Variants in CNNM2 observed in about 807,000 individuals in gnomAD.
The protein encoded by CNNM2 is cyclin and CBS domain divalent metal cation transport mediator 2.
CNNM2 carries 12 observed loss-of-function variants against 66.9 expected under a neutral mutation model. The ratio of observed to expected loss-of-function variants is 0.18; its 90% CI spans 0.11 to 0.29. CNNM2 has a LOEUF of 0.29. CNNM2 is among the 10% of genes least tolerant of loss of function. The probability of loss-of-function intolerance (pLI) is 1.00; values close to 1 mark genes in which losing one functional copy is unlikely to be tolerated. For synonymous variants in CNNM2, 557 were observed against 501.8 expected, an observed-to-expected ratio of 1.11 and a Z score of -1.47; for missense variants, 705 against 1,167.7, an observed-to-expected ratio of 0.60 and a Z score of 5.77.
chr10:102,955,354 A>G (rs1431348418), intron 1 of CNNM2, among the ~76,000 whole-genome samples: 1 of 152,290 alleles, frequency 6.6e-6, no homozygotes, highest in East Asian at 1.9e-4. Flanking sequence ...GATCCCTTAC[A>G]CCTTATACAA....
chr10:103,041,497 T>G (rs373404409), intron 1 of CNNM2, among the ~76,000 whole-genome samples: 8 of 152,288 alleles, frequency 5.3e-5, no homozygotes, highest in South Asian at 4.2e-4. Flanking sequence ...AGGCCTTTTC[T>G]CTGTGGTCAA....
At chr10:102,920,841 A>G (rs1675156295) in intron 1 of CNNM2, among the ~76,000 whole-genome samples, 1 of 152,230 alleles carries the variant, frequency 6.6e-6, no homozygotes, top group Non-Finnish European at 1.5e-5. Context: ...TATGTCCCGT[A>G]GCCTTCTTCA....
chr10:102,945,039 C>T (rs1272152015), intron 1 of CNNM2, among the ~76,000 whole-genome samples: 1 of 147,540 alleles, frequency 6.8e-6, no homozygotes, highest in African/African-American at 2.5e-5. Flanking sequence ...TAATAATTAA[C>T]AAGGAATCTA....
intron 1 of CNNM2, among the ~76,000 whole-genome samples, chr10:102,979,611 GT>G (rs1312450063): frequency 2.0e-5 from 3 of 152,006 alleles, no homozygotes; most frequent in Non-Finnish European, 4.4e-5. Context: ...CAGGGACTTT[GT>G]TTTTTTGTTA....
intron 1 of CNNM2, among the ~76,000 whole-genome samples, chr10:102,970,880 T>C (rs2063536791): frequency 6.6e-6 from 1 of 152,144 alleles, no homozygotes; most frequent in African/African-American, 2.4e-5. Flanking sequence ...TTTCCTGGCT[T>C]GGTGACTCTA....
In CNNM2 at chr10:103,077,065, C is replaced by CTCT. The variant is rs1326785614; in HGVS notation, c.2515_2517dup (p.Leu839dup). 1 of 1,613,986 alleles carries CTCT rather than the reference C, an allele frequency of 6.2e-7. No homozygotes were observed. Among genetic ancestry groups the CTCT allele is most frequent in the Non-Finnish European group, 8.5e-7 (1 of 1,179,890 alleles). On this transcript the variant is annotated inframe_insertion, in exon 8 of 8. Transcript: ENST00000369878. Reference sequence around the variant, plus strand: ...AGTGAAAACACTAAAATCGAATTGACTCTTACGGAGCTGCATGACGGGTTG... The same window carrying CTCT: ...AGTGAAAACACTAAAATCGAATTGACTCTTCTTACGGAGCTGCATGACGGGTTG...
chr10:102,992,273 CT>C lies in CNNM2; in HGVS notation c.1622-57416del, dbSNP rs35281835. On this transcript the variant is annotated intron_variant, in intron 1 of 7. Transcript: ENST00000369878. ...TTTACTGGGAGCAAGCTCCAAGTTCCTTTTTTTTTTTTTTTTTTGAGATGCA... is the reference window on the plus strand; with the variant it reads ...TTTACTGGGAGCAAGCTCCAAGTTCCTTTTTTTTTTTTTTTTTGAGATGCA... Among the ~76,000 whole-genome samples, 1,459 of 108,496 alleles carry C rather than the reference CT, an allele frequency of 0.013. 40 individuals are homozygous for C. The highest frequency in any genetic ancestry group is 0.12 in the East Asian group (375 of 3,260). 71.2% of individuals were successfully genotyped at this position (108,496 alleles called of 152,430 possible).
chr10:102,957,263 A>T (rs1279729152), intron 1 of CNNM2, among the ~76,000 whole-genome samples: 5 of 152,142 alleles, frequency 3.3e-5, no homozygotes, highest in African/African-American at 1.2e-4. Flanking sequence ...CCGAGATTGC[A>T]CCACTGCACT....
At chr10:102,957,538 C>T (rs1045408924) in intron 1 of CNNM2, among the ~76,000 whole-genome samples, 3 of 152,148 alleles carry the variant, frequency 2.0e-5, no homozygotes, top group Admixed American at 2.0e-4. Flanking sequence ...TATCAAGAAT[C>T]TATTAAGCTA....
intron 5 of CNNM2, 42 bp downstream of exon 5, chr10:103,068,764 A>G: frequency 6.9e-7 from 1 of 1,451,736 alleles, no homozygotes; most frequent in Non-Finnish European, 9.5e-7. Context: ...ACCACGTGTT[A>G]GGAAGTAAGG....
chr10:103,050,618 G>A (rs2065199458), intron 2 of CNNM2, among the ~76,000 whole-genome samples: 1 of 152,144 alleles, frequency 6.6e-6, no homozygotes, highest in Non-Finnish European at 1.5e-5. Flanking sequence ...GAACCCTTGG[G>A]TCAGGGGTGG....
intron 1 of CNNM2, among the ~76,000 whole-genome samples, chr10:103,043,894 A>G (rs2065084639): frequency 6.6e-6 from 1 of 152,202 alleles, no homozygotes. Context: ...TTAGGACCAG[A>G]AAAGGAGGAG....
At chr10:103,020,347 G>A (rs1253174226) in intron 1 of CNNM2, among the ~76,000 whole-genome samples, 1 of 151,956 alleles carries the variant, frequency 6.6e-6, no homozygotes, top group Non-Finnish European at 1.5e-5. Flanking sequence ...GTAGGGATGG[G>A]GTTTCACCAT....
intron 1 of CNNM2, among the ~76,000 whole-genome samples, chr10:102,942,285 A>C (rs1361797289): frequency 3.3e-5 from 5 of 152,310 alleles, no homozygotes; most frequent in Non-Finnish European, 4.4e-5. Context: ...TCATCTTGCA[A>C]AACTGAATCT....
chr10:102,986,277 G>A (rs968395506), intron 1 of CNNM2, among the ~76,000 whole-genome samples: 3 of 151,704 alleles, frequency 2.0e-5, no homozygotes, highest in Non-Finnish European at 4.4e-5. Flanking sequence ...TTTTTTTGAG[G>A]CGGTCTCACT....
At chr10:102,922,928 A>G (rs1195269680) in intron 1 of CNNM2, among the ~76,000 whole-genome samples, 1 of 137,170 alleles carries the variant, frequency 7.3e-6, no homozygotes, top group Non-Finnish European at 1.6e-5. Context: ...GGGGACAAAG[A>G]CCCTGTCTCA....
At chr10:102,958,032 G>A (rs540670872) in intron 1 of CNNM2, among the ~76,000 whole-genome samples, 7 of 152,326 alleles carry the variant, frequency 4.6e-5, no homozygotes, top group Admixed American at 4.6e-4. Flanking sequence ...CGCCTCCTGG[G>A]TTCAAGCGAT....
intron 4 of CNNM2, among the ~76,000 whole-genome samples, chr10:103,067,096 CTTTT>C (rs987865731): frequency 5.7e-5 from 8 of 141,560 alleles, no homozygotes; most frequent in African/African-American, 2.1e-4. Flanking sequence ...GGCATAGCAT[CTTTT>C]TTTTTTTTTT....
intron 1 of CNNM2, among the ~76,000 whole-genome samples, chr10:103,010,950 G>GT (rs964162265): frequency 1.3e-5 from 2 of 152,024 alleles, no homozygotes; most frequent in Non-Finnish European, 2.9e-5. Context: ...TTACTTTTTC[G>GT]TTTTTTCAGA....
Sources: gnomAD v4.1 joint callset for allele counts (sites outside exome capture counted in the v4.1 genomes callset) on GRCh38, gnomAD v4.1.1 for gene constraint, MANE v1.5 for transcripts, NCBI Gene and HGNC (gene_info 2026-07-23, HGNC 2026-07-21) for gene names.